TRHDE: variants seen among roughly 807,000 people sequenced by gnomAD.
The protein encoded by TRHDE is thyrotropin releasing hormone degrading enzyme.
A neutral mutation model predicts 125.7 loss-of-function variants in TRHDE; 72 were observed. That is an observed-to-expected ratio of 0.57 (90% confidence interval 0.47 to 0.70). The LOEUF is 0.70. TRHDE is among the 30% of genes least tolerant of loss of function. The probability of loss-of-function intolerance (pLI) is 0.00; values close to 1 mark genes in which losing one functional copy is unlikely to be tolerated. For missense variants in TRHDE, 1,110 were observed against 1,327.1 expected, an observed-to-expected ratio of 0.84 and a Z score of 2.54; for synonymous variants, 509 against 509.1, an observed-to-expected ratio of 1.00 and a Z score of 0.00.
At chr12:72,274,160 G>A (rs1404312245) in intron 1 of TRHDE, among the ~76,000 whole-genome samples, 2 of 152,196 alleles carry the variant, frequency 1.3e-5, no homozygotes, top group African/African-American at 4.8e-5. Flanking sequence ...TAGGCTGAGA[G>A]GACCGGGACG....
intron 7 of TRHDE, among the ~76,000 whole-genome samples, chr12:72,551,188 G>A (rs1383842548): frequency 6.6e-6 from 1 of 152,014 alleles, no homozygotes; most frequent in Non-Finnish European, 1.5e-5. Flanking sequence ...TGGCTTAGGA[G>A]TGTTGCAAAG....
chr12:72,233,678 A>G (rs1243990660), intron 2 of TRHDE, among the ~76,000 whole-genome samples: 1 of 152,198 alleles, frequency 6.6e-6, no homozygotes, highest in African/African-American at 2.4e-5. Context: ...GATAAATAAG[A>G]AACACAAAAC....
chr12:72,429,169 G>A (rs1169605455), intron 3 of TRHDE, among the ~76,000 whole-genome samples: 1 of 151,924 alleles, frequency 6.6e-6, no homozygotes, highest in Non-Finnish European at 1.5e-5. Context: ...ACAGGGAGGG[G>A]AACATCATAC....
intron 1 of TRHDE, among the ~76,000 whole-genome samples, chr12:72,275,935 C>G (rs1295297051): frequency 6.6e-6 from 1 of 152,112 alleles, no homozygotes; most frequent in Non-Finnish European, 1.5e-5. Flanking sequence ...TATTTCTAAA[C>G]AGCATCTTAG....
chr12:72,497,630 T>C (rs1463277367), intron 5 of TRHDE, among the ~76,000 whole-genome samples: 1 of 152,164 alleles, frequency 6.6e-6, no homozygotes, highest in Admixed American at 6.6e-5. Context: ...AGTATAATTA[T>C]AATTTCATTA....
intron 5 of TRHDE, among the ~76,000 whole-genome samples, chr12:72,478,234 C>G (rs886656696): frequency 6.6e-6 from 1 of 152,146 alleles, no homozygotes; most frequent in Non-Finnish European, 1.5e-5. Flanking sequence ...GGGCTGGACC[C>G]AAGGGCTTTT....
intron 12 of TRHDE, among the ~76,000 whole-genome samples, chr12:72,577,651 A>T (rs191032076): frequency 1.1e-4 from 17 of 152,258 alleles, no homozygotes; most frequent in African/African-American, 4.1e-4. Flanking sequence ...AAAGGAAGGG[A>T]TCTGTTGACT....
At chr12:72,477,644 TAAA>T (rs1876960557) in intron 5 of TRHDE, among the ~76,000 whole-genome samples, 1 of 152,188 alleles carries the variant, frequency 6.6e-6, no homozygotes, top group Admixed American at 6.5e-5. Context: ...TCAAAAGAGA[TAAA>T]AAGAAGGACT....
chr12:72,618,675 G>T (rs1054390742), intron 12 of TRHDE, among the ~76,000 whole-genome samples: 2 of 152,006 alleles, frequency 1.3e-5, no homozygotes, highest in African/African-American at 4.8e-5. Context: ...TGATGTTTTT[G>T]TATTCGTAAA....
intron 2 of TRHDE, among the ~76,000 whole-genome samples, chr12:72,296,342 G>A (rs1453479439): frequency 6.6e-6 from 1 of 152,208 alleles, no homozygotes; most frequent in Non-Finnish European, 1.5e-5. Flanking sequence ...TCCGCAGGAA[G>A]ATGTAAGTGA....
chr12:72,193,883 G>GT (rs1313785897), intron 2 of TRHDE, among the ~76,000 whole-genome samples: 2 of 152,054 alleles, frequency 1.3e-5, no homozygotes, highest in Admixed American at 6.6e-5. Flanking sequence ...CAGCTAGCTA[G>GT]TTTTTTCAGT....
chr12:72,109,351 C>A (rs536555208), intron 2 of TRHDE, among the ~76,000 whole-genome samples: 1 of 152,132 alleles, frequency 6.6e-6, no homozygotes, highest in Non-Finnish European at 1.5e-5. Flanking sequence ...TTTGTGATTT[C>A]TCCTGAGGTT....
Position 72,562,850 on chromosome 12 carries a change from A to G in TRHDE, c.1855-3A>G. 1 of 1,542,118 alleles carries G rather than the reference A, an allele frequency of 6.5e-7. No homozygotes were observed. Among genetic ancestry groups the G allele is most frequent in the Non-Finnish European group, 8.7e-7 (1 of 1,146,378 alleles). ...ACTAATTTGTACATTTTTCCTTGTG[A>G]AGGCTTTAAAAAGAAATGGGAAATA... On this transcript the variant is annotated splice_polypyrimidine_tract_variant and splice_region_variant and intron_variant, in intron 8 of 18. Coordinates refer to ENST00000261180, the MANE Select transcript of TRHDE (RefSeq NM_013381.3).
At chr12:72,615,355 C>T (rs752676294) in intron 12 of TRHDE, among the ~76,000 whole-genome samples, 8 of 152,148 alleles carry the variant, frequency 5.3e-5, no homozygotes, top group Non-Finnish European at 1.2e-4. Flanking sequence ...ACCCTAAGTG[C>T]GCTTCCTACT....
In TRHDE at chr12:72,562,398, G is replaced by A. The variant is rs564595785; in HGVS notation, c.1854+168G>A. On this transcript the variant is annotated intron_variant, in intron 8 of 18. Coordinates refer to ENST00000261180, the MANE Select transcript of TRHDE (RefSeq NM_013381.3). ...TATATAATATATTGTAAAATAAAGG[G>A]GTTTAAAACTAAACTACAAATGGTA... Among the ~76,000 whole-genome samples the A allele has an allele frequency of 8.6e-5, 13 of 151,384 alleles. No individual in the cohort carries two copies. The South Asian group carries it at 2.5e-3, about 29-fold the overall frequency.
chr12:72,386,283 T>C (rs1872412187), intron 3 of TRHDE, among the ~76,000 whole-genome samples: 2 of 152,300 alleles, frequency 1.3e-5, no homozygotes, highest in Non-Finnish European at 2.9e-5. Flanking sequence ...GTTTTGGCCA[T>C]TACAGCTTTG....
At chr12:72,520,887 T>G (rs761181313) in intron 6 of TRHDE, among the ~76,000 whole-genome samples, 4 of 152,226 alleles carry the variant, frequency 2.6e-5, no homozygotes, top group Admixed American at 1.3e-4. Flanking sequence ...AACTTAAAAT[T>G]ATACTTTTTT....
intron 6 of TRHDE, among the ~76,000 whole-genome samples, chr12:72,504,982 T>C (rs1878300493): frequency 6.6e-6 from 1 of 152,148 alleles, no homozygotes; most frequent in Non-Finnish European, 1.5e-5. Flanking sequence ...GTTCTGTTTT[T>C]TGTTATTCTC....
At chr12:72,539,542 G>A (rs947211478) in intron 6 of TRHDE, among the ~76,000 whole-genome samples, 2 of 151,806 alleles carry the variant, frequency 1.3e-5, no homozygotes, top group Non-Finnish European at 2.9e-5. Flanking sequence ...GGAAGAGGGT[G>A]GTACCAAGTC....
Sources: allele counts gnomAD v4.1 joint callset (sites outside exome capture counted in the v4.1 genomes callset), GRCh38; gene constraint gnomAD v4.1.1; transcripts MANE v1.5; gene names NCBI Gene and HGNC (gene_info 2026-07-23, HGNC 2026-07-21).